The following GAB2 variants were observed in gnomAD, a reference collection of about 807,000 sequenced individuals.
GAB2 encodes GRB2-associated-binding protein 2.
In GAB2, 26 loss-of-function variants were observed where a neutral mutation model predicts 65.5. That is an observed-to-expected ratio of 0.40 (90% CI 0.29 to 0.55). The LOEUF (loss-of-function observed/expected upper bound fraction) is 0.55. Among genes scored for constraint, GAB2 ranks in the 20% least tolerant of loss-of-function variants. The pLI is 0.53. For missense variants in GAB2, 884 were observed against 875.8 expected (o/e 1.01, Z -0.12); for synonymous variants, 321 against 329.6 (o/e 0.97, Z 0.28).
At chr11:78,369,727 T>C in intron 1 of GAB2, among the ~76,000 whole-genome samples, 1 of 152,186 alleles carries the variant, frequency 6.6e-6, no homozygotes, top group East Asian at 1.9e-4. Flanking sequence ...GTAAATAAAA[T>C]ACTGTAACTG....
intron 1 of GAB2, among the ~76,000 whole-genome samples, chr11:78,384,460 A>G (rs995309096): frequency 6.6e-6 from 1 of 152,222 alleles, no homozygotes; most frequent in African/African-American, 2.4e-5. Context: ...GATCCACTCA[A>G]AAAAGCACAT....
chr11:78,373,656 A>G (rs901235810), intron 1 of GAB2, among the ~76,000 whole-genome samples: 1 of 152,242 alleles, frequency 6.6e-6, no homozygotes, highest in Non-Finnish European at 1.5e-5. Flanking sequence ...AAACTTCCGC[A>G]AATGTAAACA....
intron 1 of GAB2, among the ~76,000 whole-genome samples, chr11:78,356,567 G>C (rs140658633): frequency 1.3e-5 from 2 of 152,190 alleles, no homozygotes; most frequent in East Asian, 3.9e-4. Flanking sequence ...ACCTATAGTA[G>C]GTATAAGACT....
chr11:78,255,440 T>C (rs1865570073), intron 2 of GAB2, among the ~76,000 whole-genome samples: 1 of 152,216 alleles, frequency 6.6e-6, no homozygotes, highest in African/African-American at 2.4e-5. Context: ...TTCTTGCTTA[T>C]CTCAGGAAAA....
intron 1 of GAB2, among the ~76,000 whole-genome samples, chr11:78,295,028 C>G (rs1866788805): frequency 6.6e-6 from 1 of 151,954 alleles, no homozygotes; most frequent in Non-Finnish European, 1.5e-5. Flanking sequence ...ACAATGAACT[C>G]AAACAAATTT....
rs935214326 is a variant in GAB2, at chr11:78,257,586, T to C, written c.377-7186A>G. ...ATTCCTGGAGTACACATGGAGCTGGTTGAGACCTTGAGATTGGCCAAAGAG... is the reference window on the plus strand; with the variant it reads ...ATTCCTGGAGTACACATGGAGCTGGCTGAGACCTTGAGATTGGCCAAAGAG... On this transcript the variant is annotated intron_variant, in intron 2 of 9. Coordinates refer to ENST00000361507, the MANE Select transcript of GAB2 (RefSeq NM_080491.3). Among the ~76,000 whole-genome samples, 3 of 152,334 alleles carry C rather than the reference T, an allele frequency of 2.0e-5. No individual in the cohort carries two copies. The South Asian group carries it at 6.2e-4, about 32-fold the overall frequency.
At chr11:78,269,151 C>T (rs930087355) in intron 2 of GAB2, among the ~76,000 whole-genome samples, 8 of 152,008 alleles carry the variant, frequency 5.3e-5, no homozygotes, top group Non-Finnish European at 1.2e-4. Flanking sequence ...CAGCAGCCTC[C>T]GCCTCTGGGC....
chr11:78,328,312 G>T (rs1855859485), intron 1 of GAB2, among the ~76,000 whole-genome samples: 2 of 152,178 alleles, frequency 1.3e-5, no homozygotes, highest in South Asian at 4.1e-4. Flanking sequence ...CCATTAAGCA[G>T]CCATCAAAAA....
At position 78,407,671 on chromosome 11, in the gene GAB2, A is replaced by AAGAAAGAAAGAAAGAAAGAAAGAGATGGC. The variant is rs1555001699; in HGVS notation, c.75+9974_75+9975insGCCATCTCTTTCTTTCTTTCTTTCTTTCT. Among the ~76,000 whole-genome samples the AAGAAAGAAAGAAAGAAAGAAAGAGATGGC allele has an allele frequency of 6.7e-3, 986 of 147,250 alleles. 17 individuals carry two copies. Among genetic ancestry groups the AAGAAAGAAAGAAAGAAAGAAAGAGATGGC allele is most frequent in the African/African-American group, 0.024 (926 of 37,902 alleles). ...AAAGAAAGAAAGTAAGAAAGAAAGA[A>AAGAAAGAAAGAAAGAAAGAAAGAGATGGC]AGAAAGAAAGAAAGAAAGAAAGAAA... On this transcript the variant is annotated intron_variant, in intron 1 of 9. Coordinates refer to ENST00000361507, the MANE Select transcript of GAB2 (RefSeq NM_080491.3).
intron 1 of GAB2, among the ~76,000 whole-genome samples, chr11:78,399,481 C>T (rs1000441801): frequency 4.6e-5 from 7 of 152,202 alleles, no homozygotes; most frequent in African/African-American, 7.2e-5. Flanking sequence ...CCAGCACACA[C>T]CTATTTCCCA....
intron 1 of GAB2, among the ~76,000 whole-genome samples, chr11:78,284,729 G>T (rs1866427817): frequency 6.6e-6 from 1 of 151,562 alleles, no homozygotes; most frequent in Non-Finnish European, 1.5e-5. Context: ...GTCTCACAAA[G>T]CATGTATACC....
intron 1 of GAB2, among the ~76,000 whole-genome samples, chr11:78,323,986 C>T (rs748542111): frequency 7.2e-5 from 11 of 151,784 alleles, no homozygotes; most frequent in Admixed American, 4.6e-4. Flanking sequence ...TTAGTAGAGA[C>T]GGGGTTTTGC....
chr11:78,417,763 C>A lies in GAB2; in HGVS notation c.-43G>T. The stretch of plus-strand genomic sequence containing the variant: ...CCCCGCCGGGTCGCGCGGACGAGGG[C>A]GCGGGCTCGGGCAGCTGGGGCAGCG... On this transcript the variant is annotated 5_prime_UTR_variant, in exon 1 of 10. Transcript: ENST00000361507. 1.8e-6 allele frequency: 2 copies of A among 1,101,848 alleles called. No homozygotes were observed. The highest frequency in any genetic ancestry group is 2.3e-6 in the Non-Finnish European group (2 of 887,962). The allele number at this position is 1,101,848 out of a possible 1,614,324, so 68.3% of individuals were successfully genotyped here. A position where few individuals can be genotyped will look rare whatever the true frequency, so the allele number is the denominator to read the frequency against.
chr11:78,399,482 C>T (rs977166993), intron 1 of GAB2, among the ~76,000 whole-genome samples: 1 of 152,212 alleles, frequency 6.6e-6, no homozygotes, highest in African/African-American at 2.4e-5. Context: ...CAGCACACAC[C>T]TATTTCCCAG....
chr11:78,284,734 T>C (rs755185412), intron 1 of GAB2, among the ~76,000 whole-genome samples: 82 of 152,134 alleles, frequency 5.4e-4, no homozygotes, highest in Non-Finnish European at 1.0e-3. Context: ...ACAAAGCATG[T>C]ATACCCCCAA....
At chr11:78,362,077 G>C (rs1157386813) in intron 1 of GAB2, among the ~76,000 whole-genome samples, 1 of 142,624 alleles carries the variant, frequency 7.0e-6, no homozygotes, top group African/African-American at 2.5e-5. Context: ...GATATATTAT[G>C]AAGTAAAAAA....
At chr11:78,346,613 A>G (rs1414206755) in intron 1 of GAB2, among the ~76,000 whole-genome samples, 2 of 146,590 alleles carry the variant, frequency 1.4e-5, no homozygotes, top group Non-Finnish European at 3.0e-5. Flanking sequence ...AGAATTTACC[A>G]AATCTACATT....
chr11:78,365,422 G>A (rs954348256), intron 1 of GAB2, among the ~76,000 whole-genome samples: 1 of 152,164 alleles, frequency 6.6e-6, no homozygotes, highest in Non-Finnish European at 1.5e-5. Context: ...CCTGCTCTGG[G>A]ATTTAGAGGG....
chr11:78,325,480 T>A (rs12272085), intron 1 of GAB2, among the ~76,000 whole-genome samples: 2,628 of 152,294 alleles, frequency 0.017, 88 homozygotes, highest in African/African-American at 0.061. Flanking sequence ...AGAAACCACG[T>A]TGCTGAGGCT....
Sources: gnomAD v4.1 joint callset for allele counts (sites outside exome capture counted in the v4.1 genomes callset) on GRCh38, gnomAD v4.1.1 for gene constraint, MANE v1.5 for transcripts, NCBI Gene and HGNC (gene_info 2026-07-23, HGNC 2026-07-21) for gene names.